Variants in PLA2G4D observed in about 807,000 individuals in gnomAD.
The protein encoded by PLA2G4D is cytosolic phospholipase A2 delta.
A neutral mutation model predicts 94.4 loss-of-function variants in PLA2G4D; 80 were observed. The observed-to-expected ratio is 0.85, with a 90% CI of 0.71 to 1.02. The LOEUF (loss-of-function observed/expected upper bound fraction) is 1.02, where lower values mean the gene tolerates loss of function less well. Ranked by LOEUF, PLA2G4D falls within the 50% of genes least tolerant of loss-of-function variation. The probability of loss-of-function intolerance (pLI) is 0.00; values close to 1 mark genes in which losing one functional copy is unlikely to be tolerated. For synonymous variants in PLA2G4D, 438 were observed against 440.9 expected (o/e 0.99, Z 0.08); for missense variants, 1,050 against 1,034.7 (o/e 1.01, Z -0.20).
chr15:42,091,001 C>T (rs996774855), intron 1 of PLA2G4D, among the ~76,000 whole-genome samples: 1 of 152,218 alleles, frequency 6.6e-6, no homozygotes, highest in East Asian at 1.9e-4. Flanking sequence ...CTTCCCTTTC[C>T]CCTTCCCTCA....
chr15:42,087,047 G>A (rs893397579), intron 3 of PLA2G4D, among the ~76,000 whole-genome samples: 1 of 152,124 alleles, frequency 6.6e-6, no homozygotes, highest in Non-Finnish European at 1.5e-5. Context: ...GGCTCTTACT[G>A]TCTCTGTTTC....
rs773818053 is a variant in PLA2G4D, at chr15:42,071,086, A to G, written c.1876+37T>C. On this transcript the variant is annotated intron_variant, in intron 17 of 19. Transcript: ENST00000290472. ...CCCTGCCACACCACCCAGAGGCCCAACCTTGTGACCTAGGGACCCCTGGCC... is the reference window on the plus strand; with the variant it reads ...CCCTGCCACACCACCCAGAGGCCCAGCCTTGTGACCTAGGGACCCCTGGCC... 7 of 1,591,782 alleles carry G rather than the reference A, an allele frequency of 4.4e-6. No homozygotes were observed. The South Asian group carries it at 5.7e-5, about 13-fold the overall frequency.
intron 11 of PLA2G4D, 84 bp from the exon 12 acceptor site, chr15:42,081,217 G>A: frequency 1.3e-6 from 2 of 1,549,396 alleles, no homozygotes; most frequent in Non-Finnish European, 1.7e-6. Flanking sequence ...CCCGCTCCTT[G>A]TCTCCAGGGA....
chr15:42,073,792 C>G (rs1411186614), intron 13 of PLA2G4D, among the ~76,000 whole-genome samples: 1 of 152,128 alleles, frequency 6.6e-6, no homozygotes, highest in Non-Finnish European at 1.5e-5. Flanking sequence ...GGATTCCTAC[C>G]CAGCCTACCC....
At chr15:42,075,731 A>G (rs1889907353) in intron 13 of PLA2G4D, among the ~76,000 whole-genome samples, 1 of 152,186 alleles carries the variant, frequency 6.6e-6, no homozygotes, top group Non-Finnish European at 1.5e-5. Context: ...TACTAAAAAT[A>G]CAAAAATTCG....
chr15:42,070,220 G>T, intron 18 of PLA2G4D, 125 bp from the exon 19 acceptor site: 2 of 992,466 alleles, frequency 2.0e-6, no homozygotes, highest in South Asian at 2.0e-5. Context: ...TTGTGGTCGG[G>T]CCAAGCTGCA....
At chr15:42,077,777 A>G (rs1889958493) in intron 13 of PLA2G4D, among the ~76,000 whole-genome samples, 1 of 152,258 alleles carries the variant, frequency 6.6e-6, no homozygotes, top group Non-Finnish European at 1.5e-5. Flanking sequence ...GCCTACGCCC[A>G]TAACATAAGC....
intron 1 of PLA2G4D, among the ~76,000 whole-genome samples, chr15:42,091,701 T>C (rs1208742238): frequency 2.0e-5 from 3 of 152,216 alleles, no homozygotes; most frequent in Non-Finnish European, 4.4e-5. Flanking sequence ...GATGCTGTGC[T>C]TCAGTAGTCA....
intron 13 of PLA2G4D, among the ~76,000 whole-genome samples, chr15:42,077,724 A>G (rs1280906225): frequency 6.6e-6 from 1 of 152,254 alleles, no homozygotes; most frequent in East Asian, 1.9e-4. Flanking sequence ...GGCCCCTTAG[A>G]TCAGGTATCC....
rs1170252452 is a variant in PLA2G4D, at chr15:42,087,629, C to T, written c.117G>A (p.Leu39=). 1 of 1,614,144 alleles carries T rather than the reference C, an allele frequency of 6.2e-7. No homozygotes were observed. Among genetic ancestry groups the T allele is most frequent in the Admixed American group, 1.7e-5 (1 of 60,018 alleles). ...LEARNLRWAD[L]LSEADPYVIL... Reference sequence around the variant, plus strand: ...AGAGCGCACAGGGCGGTTACTCACACAGGTCAGCCCAGCGCAGGTTCCGCG... The same window carrying T: ...AGAGCGCACAGGGCGGTTACTCACATAGGTCAGCCCAGCGCAGGTTCCGCG... The change falls in exon 2 of 20, where the codon CTG becomes CTA. Residue 39 remains leucine (L), a splice_region_variant and synonymous_variant. Transcript: ENST00000290472.
intron 1 of PLA2G4D, among the ~76,000 whole-genome samples, chr15:42,093,376 C>T (rs977859719): frequency 1.3e-5 from 2 of 152,184 alleles, no homozygotes; most frequent in Non-Finnish European, 2.9e-5. Context: ...AGGGGCACAG[C>T]CTTCGCCAGG....
chr15:42,067,191 G>GGTGTGTGT lies in PLA2G4D; in HGVS notation c.*1516_*1523dup, dbSNP rs139138179. The GGTGTGTGT allele has an allele frequency of 6.6e-6, 1 of 151,134 alleles. No individual in the cohort carries two copies. Among genetic ancestry groups the GGTGTGTGT allele is most frequent in the Non-Finnish European group, 1.5e-5 (1 of 67,668 alleles). The allele number at this position is 151,134 out of a possible 1,614,324, so 9.4% of individuals were successfully genotyped here. ...TCACTACAACCCCCACCTGGGGCCA[G>GGTGTGTGT]GTGTGTGTGTGTGTGTATGTGTACA... On this transcript the variant is annotated 3_prime_UTR_variant, in exon 20 of 20. Coordinates refer to ENST00000290472, the MANE Select transcript of PLA2G4D (RefSeq NM_178034.4).
intron 1 of PLA2G4D, 72 bp from the exon 2 acceptor site, chr15:42,087,772 G>A: frequency 1.3e-6 from 2 of 1,484,260 alleles, no homozygotes; most frequent in Non-Finnish European, 1.9e-6. Context: ...AGCCCGGGCT[G>A]CCGACACCCC....
chr15:42,087,442 A>G lies in PLA2G4D; in HGVS notation c.119-6T>C, dbSNP rs184535005. Reference sequence around the variant, plus strand: ...GTAAGGGTCGGCCTCACTCACTGCCAAGGTTAAGGAAGTCTTCGTGAGGGA... The same window carrying G: ...GTAAGGGTCGGCCTCACTCACTGCCGAGGTTAAGGAAGTCTTCGTGAGGGA... On this transcript the variant is annotated splice_region_variant and splice_polypyrimidine_tract_variant and intron_variant, in intron 2 of 19. Transcript: ENST00000290472. 6,160 of 1,613,920 alleles carry G rather than the reference A, an allele frequency of 3.8e-3. 15 individuals are homozygous for G. The highest frequency in any genetic ancestry group is 4.6e-3 in the Non-Finnish European group (5,427 of 1,179,968).
rs879682440 is a variant in PLA2G4D at position 42,075,930 on chromosome 15, A to AT, written c.1318-3539_1318-3538insA. Among the ~76,000 whole-genome samples, 324 of 83,018 alleles carry AT rather than the reference A, an allele frequency of 3.9e-3. 2 individuals are homozygous for AT. The highest frequency in any genetic ancestry group is 0.024 in the Middle Eastern group (4 of 170). 54.5% of individuals were successfully genotyped at this position (83,018 alleles called of 152,430 possible). A position where few individuals can be genotyped will look rare whatever the true frequency, so the allele number is the denominator to read the frequency against. ...GGGAGAGGGGAGGGGAGGGGAGGGGAGGGGAGAGGAAGAAGGAAGGAAGGA... is the reference window on the plus strand; with the variant it reads ...GGGAGAGGGGAGGGGAGGGGAGGGGATGGGGAGAGGAAGAAGGAAGGAAGGA... On this transcript the variant is annotated intron_variant, in intron 13 of 19. Coordinates refer to ENST00000290472, the MANE Select transcript of PLA2G4D (RefSeq NM_178034.4).
chr15:42,082,098 A>C (rs1199509207), intron 9 of PLA2G4D, among the ~76,000 whole-genome samples, 181 bp downstream of exon 9: 1 of 151,684 alleles, frequency 6.6e-6, no homozygotes, highest in Non-Finnish European at 1.5e-5. Flanking sequence ...CACCCGGCTA[A>C]TTTTTGCATT....
intron 5 of PLA2G4D, 57 bp downstream of exon 5, chr15:42,085,433 GC>G: frequency 1.3e-6 from 2 of 1,580,968 alleles, no homozygotes; most frequent in Non-Finnish European, 1.7e-6. Flanking sequence ...CTGGGTCAGG[GC>G]CATTTCCTCA....
At chr15:42,091,262 G>T (rs1329856690) in intron 1 of PLA2G4D, among the ~76,000 whole-genome samples, 1 of 152,164 alleles carries the variant, frequency 6.6e-6, no homozygotes, top group Non-Finnish European at 1.5e-5. Flanking sequence ...TCTTAGATAC[G>T]ATTATATATG....
chr15:42,069,963 T>A lies in PLA2G4D; in HGVS notation c.2176A>T (p.Ile726Phe). Residue 726 changes from isoleucine (I) to phenylalanine (F), a missense_variant, in exon 19 of 20, where the codon ATC becomes TTC. Transcript: ENST00000290472. ...TTGACCAGCGGGAAGTGCAGCAGGA[T>A]CGGGGCCTCGGGGCAGGCGGGGTCT... Reference protein sequence around the residue: ...FSDPACPEAPILLHFPLVNAS... With the variant: ...FSDPACPEAPFLLHFPLVNAS... The A allele has an allele frequency of 6.8e-7, 1 of 1,465,698 alleles. No homozygotes were observed. The highest frequency in any genetic ancestry group is 9.0e-7 in the Non-Finnish European group (1 of 1,111,996). The allele number at this position is 1,465,698 out of a possible 1,614,324, so 90.8% of individuals were successfully genotyped here.
Sources: allele counts gnomAD v4.1 joint callset (sites outside exome capture counted in the v4.1 genomes callset), GRCh38; gene constraint gnomAD v4.1.1; transcripts MANE v1.5; gene names NCBI Gene and HGNC (gene_info 2026-07-23, HGNC 2026-07-21).